GRM3: variants seen among roughly 807,000 people sequenced by gnomAD.
The protein encoded by GRM3 is glutamate metabotropic receptor 3.
Under a neutral mutation model 70.5 loss-of-function variants are expected in GRM3, and 26 were observed. The ratio of observed to expected loss-of-function variants is 0.37; its 90% confidence interval spans 0.27 to 0.51. GRM3 has a LOEUF of 0.51. GRM3 is among the 20% of genes least tolerant of loss of function. The pLI is 0.93. For synonymous variants in GRM3, 443 were observed against 434.9 expected (o/e 1.02, Z -0.23); for missense variants, 859 against 1,123.8 (o/e 0.76, Z 3.37).
chr7:86,808,671 A>G, intron 3 of GRM3, among the ~76,000 whole-genome samples: 1 of 152,034 alleles, frequency 6.6e-6, no homozygotes, highest in East Asian at 1.9e-4. Context: ...AATGTTTTAT[A>G]TAATGTAATC....
chr7:86,809,502 G>A (rs1049222296), intron 3 of GRM3, among the ~76,000 whole-genome samples: 1 of 151,922 alleles, frequency 6.6e-6, no homozygotes, highest in African/African-American at 2.4e-5. Context: ...GGCAATCCTC[G>A]GGTTGCTCTA....
intron 4 of GRM3, among the ~76,000 whole-genome samples, chr7:86,849,870 C>G (rs193126226): frequency 6.2e-4 from 94 of 152,182 alleles, no homozygotes; most frequent in South Asian, 6.2e-4. Flanking sequence ...AATAGGGAAA[C>G]CAGTAGCTGA....
At chr7:86,693,573 G>A (rs537617388) in intron 1 of GRM3, among the ~76,000 whole-genome samples, 9 of 152,246 alleles carry the variant, frequency 5.9e-5, no homozygotes, top group South Asian at 2.1e-4. Flanking sequence ...TGGCCAAATC[G>A]TAGGAAAATA....
rs947117751 is a variant in GRM3, at chr7:86,786,597, G to A, written c.805G>A (p.Ala269Thr). 1.2e-6 allele frequency: 2 copies of A among 1,613,650 alleles called. No individual in the cohort carries two copies. Among genetic ancestry groups the A allele is most frequent in the Non-Finnish European group, 1.7e-6 (2 of 1,180,038 alleles). ...VIRELLQKPN[A>T]RVVVLFMRSD... ...CCGAGAACTGTTGCAGAAGCCCAACGCGCGCGTCGTGGTCCTCTTCATGCG... is the reference window on the plus strand; with the variant it reads ...CCGAGAACTGTTGCAGAAGCCCAACACGCGCGTCGTGGTCCTCTTCATGCG... Residue 269 changes from alanine to threonine, a missense_variant, in exon 3 of 6, where the codon GCG becomes ACG. Ala to Thr is a moderately conservative substitution (Grantham distance 58). Transcript: ENST00000361669. This position sits in a 1 kb window ranked among gnomAD's most constrained non-coding sequence, Gnocchi z 6.0.
intron 2 of GRM3, among the ~76,000 whole-genome samples, chr7:86,767,553 ATAT>A (rs2116426572): frequency 7.4e-6 from 1 of 135,262 alleles, no homozygotes; most frequent in East Asian, 2.2e-4. Flanking sequence ...ATATATATAT[ATAT>A]ATAAATGAAG....
chr7:86,737,816 A>T (rs1795899874), intron 1 of GRM3, among the ~76,000 whole-genome samples: 1 of 152,222 alleles, frequency 6.6e-6, no homozygotes, highest in South Asian at 2.1e-4. Context: ...AAAAAAAGGA[A>T]TGAAATATAA....
chr7:86,685,244 T>C (rs1794535101), intron 1 of GRM3, among the ~76,000 whole-genome samples: 1 of 152,240 alleles, frequency 6.6e-6, no homozygotes, highest in Admixed American at 6.5e-5. Context: ...TGGCATACAT[T>C]GTTCCCTTAA....
At chr7:86,694,143 C>T (rs1043522653) in intron 1 of GRM3, among the ~76,000 whole-genome samples, 2 of 152,096 alleles carry the variant, frequency 1.3e-5, no homozygotes, top group Non-Finnish European at 2.9e-5. Context: ...CACTTAGATG[C>T]ATACAGTTTT....
At chr7:86,749,802 T>A (rs1455948759) in intron 1 of GRM3, among the ~76,000 whole-genome samples, 1 of 152,072 alleles carries the variant, frequency 6.6e-6, no homozygotes, top group African/African-American at 2.4e-5. Flanking sequence ...CACATCTTCC[T>A]TACTGCTTTT....
intron 4 of GRM3, among the ~76,000 whole-genome samples, chr7:86,843,014 TACTC>T (rs1798586420): frequency 1.3e-5 from 2 of 152,228 alleles, no homozygotes; most frequent in South Asian, 4.2e-4. Flanking sequence ...ATATCAGTCT[TACTC>T]AGTTGGAAAA....
chr7:86,727,134 C>G (rs1270768787), intron 1 of GRM3, among the ~76,000 whole-genome samples: 1 of 152,124 alleles, frequency 6.6e-6, no homozygotes, highest in Non-Finnish European at 1.5e-5. Context: ...TAACACAAGA[C>G]AGAAGATGAT....
chr7:86,758,538 C>T (rs550354544), intron 1 of GRM3, among the ~76,000 whole-genome samples: 7 of 152,062 alleles, frequency 4.6e-5, no homozygotes, highest in Non-Finnish European at 1.0e-4. Context: ...GCACACATAC[C>T]ATGAAAATAC....
At chr7:86,737,901 T>C (rs1157859526) in intron 1 of GRM3, among the ~76,000 whole-genome samples, 1 of 152,250 alleles carries the variant, frequency 6.6e-6, no homozygotes, top group South Asian at 2.1e-4. Context: ...ACTCTCATTA[T>C]GATTTTAGCA....
chr7:86,647,239 G>A (rs771689002), intron 1 of GRM3, among the ~76,000 whole-genome samples: 8 of 151,930 alleles, frequency 5.3e-5, no homozygotes, highest in Non-Finnish European at 7.4e-5. Context: ...ATTTCATGTC[G>A]AACTATCTTT....
At chr7:86,787,266 A>T in intron 3 of GRM3, 150 bp downstream of exon 3, 1 of 674,330 alleles carries the variant, frequency 1.5e-6, no homozygotes, top group Non-Finnish European at 2.5e-6. Flanking sequence ...ATGCAATAGG[A>T]TGGTTCTCTA....
chr7:86,726,156 T>C (rs530614877), intron 1 of GRM3, among the ~76,000 whole-genome samples: 1 of 152,184 alleles, frequency 6.6e-6, no homozygotes, highest in East Asian at 1.9e-4. Context: ...TTTTTACTAA[T>C]TGCATTTCTG....
intron 5 of GRM3, among the ~76,000 whole-genome samples, chr7:86,858,501 C>T (rs534997840): frequency 6.6e-6 from 1 of 152,234 alleles, no homozygotes; most frequent in South Asian, 2.1e-4. Flanking sequence ...ACTAGATGCT[C>T]ACTCTATCTC....
At chr7:86,855,374 C>T (rs1447011226) in intron 5 of GRM3, among the ~76,000 whole-genome samples, 1 of 152,156 alleles carries the variant, frequency 6.6e-6, no homozygotes, top group Non-Finnish European at 1.5e-5. Context: ...AAGTGTGCCC[C>T]ATAGTCTTCA....
chr7:86,839,748 T>C lies in GRM3; in HGVS notation c.2234T>C (p.Val745Ala). The change falls in exon 4 of 6, where the codon GTG becomes GCG. Residue 745 changes from valine to alanine, a missense_variant. Coordinates refer to ENST00000361669, the MANE Select transcript of GRM3 (RefSeq NM_000840.3). This position sits in a 1 kb window ranked among gnomAD's most constrained non-coding sequence, Gnocchi z 4.5. ...SSMLISLTYD[V>A]ILVILCTVYA... is the part of the protein sequence containing the mutation. ...ATGTTGATCTCTCTTACCTACGATG[T>C]GATCCTGGTGATCTTATGCACTGTG... 2 of 1,614,126 alleles carry C rather than the reference T, an allele frequency of 1.2e-6. No homozygotes were observed. Among genetic ancestry groups the C allele is most frequent in the South Asian group, 1.1e-5 (1 of 91,088 alleles).
Sources: gnomAD v4.1 joint callset for allele counts (sites outside exome capture counted in the v4.1 genomes callset) on GRCh38, gnomAD v4.1.1 for gene constraint, Gnocchi (gnomAD v3.1) non-coding constraint, MANE v1.5 for transcripts, NCBI Gene and HGNC (gene_info 2026-07-23, HGNC 2026-07-21) for gene names.